The following DDX60L variants were observed in gnomAD, a reference collection of about 807,000 sequenced individuals.
DDX60L encodes probable ATP-dependent RNA helicase DDX60-like.
Under a neutral mutation model 211.6 loss-of-function variants are expected in DDX60L, and 191 were observed. The ratio of observed to expected loss-of-function variants is 0.90; its 90% confidence interval spans 0.80 to 1.02. The LOEUF (loss-of-function observed/expected upper bound fraction) is 1.02. DDX60L is among the 50% of genes least tolerant of loss of function. The probability of loss-of-function intolerance (pLI) is 0.00; values close to 1 mark genes in which losing one functional copy is unlikely to be tolerated. For missense variants in DDX60L, 2,007 were observed against 1,984.1 expected (o/e 1.01, Z -0.22); for synonymous variants, 706 against 694.1 (o/e 1.02, Z -0.27).
intron 36 of DDX60L, among the ~76,000 whole-genome samples, chr4:168,369,494 A>C (rs370010795): frequency 6.4e-5 from 5 of 78,702 alleles, no homozygotes; most frequent in African/African-American, 2.5e-4. Context: ...AAAAAAAAAA[A>C]AACAGCAGAA....
rs1579203552 is a variant in DDX60L at position 168,371,133 on chromosome 4, T to G, written c.4928+479A>C. On this transcript the variant is annotated intron_variant, in intron 36 of 37. Coordinates refer to ENST00000682922, the MANE Select transcript of DDX60L (RefSeq NM_001012967.3). ...TCATAAAAAATAATATTTTATATAC[T>G]CCTAGAAATCAACATTCTTTCTTAA... Among the ~76,000 whole-genome samples, 6 of 151,658 alleles carry G rather than the reference T, an allele frequency of 4.0e-5. 1 individual carries two copies. The highest frequency in any genetic ancestry group is 3.9e-4 in the Admixed American group (6 of 15,234).
intron 29 of DDX60L, among the ~76,000 whole-genome samples, chr4:168,389,215 G>C (rs1382014034): frequency 2.0e-5 from 3 of 152,154 alleles, no homozygotes; most frequent in Admixed American, 6.5e-5. Context: ...CGAAGATTGA[G>C]TGACATGAGG....
chr4:168,440,339 G>C (rs1449046937), intron 10 of DDX60L, among the ~76,000 whole-genome samples: 4 of 152,228 alleles, frequency 2.6e-5, no homozygotes, highest in Admixed American at 2.6e-4. Flanking sequence ...TATGTGGACA[G>C]TAGTTCATAA....
At chr4:168,402,074 C>CT (rs1349433430) in intron 25 of DDX60L, among the ~76,000 whole-genome samples, 1 of 149,732 alleles carries the variant, frequency 6.7e-6, no homozygotes, top group East Asian at 2.0e-4. Context: ...AGCCTAGTAA[C>CT]TGGTCAGGTT....
Position 168,378,311 on chromosome 4 carries a change from A to G in DDX60L, c.4485+43T>C, listed in dbSNP as rs544976402. The G allele has an allele frequency of 3.4e-6, 4 of 1,163,380 alleles. No homozygotes were observed. The Admixed American group carries it at 9.5e-5, about 28-fold the overall frequency. The allele number at this position is 1,163,380 out of a possible 1,614,324, so 72.1% of individuals were successfully genotyped here. ...AATGCTTTCCAGTAGCATACATTTA[A>G]TAACTATCATTATTATATCATTGTA... is the stretch of plus-strand genomic sequence containing the variant. On this transcript the variant is annotated intron_variant, in intron 33 of 37. Transcript: ENST00000682922.
chr4:168,363,861 A>G (rs1289645367), intron 36 of DDX60L, among the ~76,000 whole-genome samples: 2 of 152,224 alleles, frequency 1.3e-5, no homozygotes, highest in African/African-American at 4.8e-5. Flanking sequence ...CCTACTTATA[A>G]TTACCTCGAA....
chr4:168,436,604 C>G (rs1753068792), intron 10 of DDX60L, among the ~76,000 whole-genome samples: 1 of 152,146 alleles, frequency 6.6e-6, no homozygotes, highest in Admixed American at 6.6e-5. Context: ...TGTAATTACT[C>G]TGAATTAGTG....
intron 4 of DDX60L, among the ~76,000 whole-genome samples, chr4:168,464,334 A>G (rs1757690238): frequency 6.6e-6 from 1 of 152,154 alleles, no homozygotes; most frequent in African/African-American, 2.4e-5. Flanking sequence ...TTCAACCACA[A>G]TGGAATTAAA....
In DDX60L at chr4:168,453,123, C is replaced by T; in HGVS notation, c.996+1G>A. Reference sequence around the variant, plus strand: ...ACAAAAAATAAACAAAATATGTTTACCATTTTTAAGAAAGAATCACTGTTC... The same window carrying T: ...ACAAAAAATAAACAAAATATGTTTATCATTTTTAAGAAAGAATCACTGTTC... On this transcript the variant is annotated splice_donor_variant, in intron 8 of 37. Coordinates refer to ENST00000682922, the MANE Select transcript of DDX60L (RefSeq NM_001012967.3). LOFTEE classifies it high-confidence loss of function. 6.2e-7 allele frequency: 1 copy of T among 1,601,426 alleles called. No individual in the cohort carries two copies. The highest frequency in any genetic ancestry group is 8.5e-7 in the Non-Finnish European group (1 of 1,174,836).
rs746582222 is a variant in DDX60L, at chr4:168,379,728, CTT to C, written c.4217_4218del (p.Lys1406ArgfsTer6). The C allele has an allele frequency of 6.2e-7, 1 of 1,611,858 alleles. No homozygotes were observed. The highest frequency in any genetic ancestry group is 1.1e-5 in the South Asian group (1 of 90,936). ...AAAAAGCCAAAGCACGATGATACCT[CTT>C]TGATAAGGAGCTGCAAGGAAAACAA... The part of the protein sequence containing the change: ...YFLFSLQLLI[K>X]EDYLNKKGNP... On this transcript the variant is annotated frameshift_variant, in exon 31 of 38. Coordinates refer to ENST00000682922, the MANE Select transcript of DDX60L (RefSeq NM_001012967.3). LOFTEE classifies it high-confidence loss of function.
intron 36 of DDX60L, among the ~76,000 whole-genome samples, chr4:168,367,742 A>T (rs1339015798): frequency 6.6e-6 from 1 of 152,222 alleles, no homozygotes; most frequent in African/African-American, 2.4e-5. Context: ...ATGGACAATA[A>T]AGTCCAGTCT....
chr4:168,449,074 T>C (rs1365513899), intron 8 of DDX60L, among the ~76,000 whole-genome samples: 3 of 152,204 alleles, frequency 2.0e-5, no homozygotes, highest in Non-Finnish European at 4.4e-5. Flanking sequence ...ACCTTTGTCA[T>C]GCAGGTCCTG....
At chr4:168,455,163 A>C (rs1305866281) in intron 7 of DDX60L, among the ~76,000 whole-genome samples, 1 of 150,876 alleles carries the variant, frequency 6.6e-6, no homozygotes, top group African/African-American at 2.4e-5. Context: ...CAGTCACATT[A>C]TTTCTTTCTT....
chr4:168,404,103 T>A lies in DDX60L; in HGVS notation c.3217A>T (p.Lys1073Ter). The part of the protein sequence containing the change: ...WIKNGQVKKV[K>*]RVLKNLSPDS... The stretch of plus-strand genomic sequence containing the variant: ...GGACTAAGGTTCTTCAGTACTCTTT[T>A]GACCTACAACAGTAAGTAAAAATTA... The change falls in exon 25 of 38, where the codon AAA becomes TAA. Residue 1073 changes from lysine to a stop codon, truncating the protein, a stop_gained. Transcript: ENST00000682922. LOFTEE classifies it high-confidence loss of function. 7.3e-7 allele frequency: 1 copy of A among 1,363,290 alleles called. No homozygotes were observed. Among genetic ancestry groups the A allele is most frequent in the Non-Finnish European group, 9.6e-7 (1 of 1,046,050 alleles). 84.4% of individuals were successfully genotyped at this position (1,363,290 alleles called of 1,614,324 possible).
chr4:168,423,740 T>C lies in DDX60L; in HGVS notation c.1965A>G (p.Gln655=). The C allele has an allele frequency of 6.2e-7, 1 of 1,601,632 alleles. No individual in the cohort carries two copies. Among genetic ancestry groups the C allele is most frequent in the Non-Finnish European group, 8.5e-7 (1 of 1,176,296 alleles). Residue 655 remains glutamine, a synonymous_variant, in exon 15 of 38, where the codon CAA becomes CAG. Transcript: ENST00000682922. ...GGAGTGAATGAATCCTTTTCATCAT[T>C]TGAACAGCTATACTTAAATCTTTCG... is the stretch of plus-strand genomic sequence containing the variant. ...KISKDLSIAV[Q]MMKRIHSLLE...
At chr4:168,423,558 T>C in intron 15 of DDX60L, 50 bp downstream of exon 15, 6 of 1,216,530 alleles carry the variant, frequency 4.9e-6, no homozygotes, top group Non-Finnish European at 6.8e-6. Flanking sequence ...TATTCTTCCA[T>C]ATTAAAATTG....
chr4:168,403,343 T>A (rs1477341631), intron 25 of DDX60L, among the ~76,000 whole-genome samples: 1 of 152,236 alleles, frequency 6.6e-6, no homozygotes, highest in Admixed American at 6.5e-5. Flanking sequence ...CAACTTCACA[T>A]TACCATTGGA....
At chr4:168,441,235 A>G in intron 10 of DDX60L, 102 bp downstream of exon 10, 1 of 1,173,594 alleles carries the variant, frequency 8.5e-7, no homozygotes, top group Non-Finnish European at 1.2e-6. Context: ...AAGCACAGTG[A>G]AGGAAAATTA....
intron 8 of DDX60L, among the ~76,000 whole-genome samples, chr4:168,452,825 C>A (rs1249755797): frequency 6.6e-6 from 1 of 152,044 alleles, no homozygotes; most frequent in African/African-American, 2.4e-5. Context: ...AATTCATAAA[C>A]ACTTTTCCTG....
Sources: allele counts gnomAD v4.1 joint callset (sites outside exome capture counted in the v4.1 genomes callset), GRCh38; gene constraint gnomAD v4.1.1; transcripts MANE v1.5; gene names NCBI Gene and HGNC (gene_info 2026-07-23, HGNC 2026-07-21).